Variants in CSRNP3 observed in about 807,000 individuals in gnomAD.
CSRNP3 encodes the protein cysteine/serine-rich nuclear protein 3.
In CSRNP3, 12 loss-of-function variants were observed where a neutral mutation model predicts 48.0. The observed-to-expected ratio is 0.25, with a 90% CI of 0.16 to 0.41. CSRNP3 has a LOEUF of 0.41. Among genes scored for constraint, CSRNP3 ranks in the 10% least tolerant of loss-of-function variants. The pLI is 1.00. For missense variants in CSRNP3, 580 were observed against 724.4 expected, an observed-to-expected ratio of 0.80 and a Z score of 2.29; for synonymous variants, 263 against 269.7, an observed-to-expected ratio of 0.98 and a Z score of 0.24.
intron 2 of CSRNP3, among the ~76,000 whole-genome samples, chr2:165,505,926 C>T (rs1320956213): frequency 6.6e-6 from 1 of 152,080 alleles, no homozygotes; most frequent in Non-Finnish European, 1.5e-5. Context: ...CTTTTTATTG[C>T]AAGTGACGAA....
At position 165,595,356 on chromosome 2, in the gene CSRNP3, A is replaced by G. The variant is rs112072729; in HGVS notation, c.148+143A>G. The G allele has an allele frequency of 1.2e-5, 9 of 744,462 alleles. No individual in the cohort carries two copies. In the African/African-American group the frequency reaches 1.2e-4, roughly 10 times the overall value. The allele number at this position is 744,462 out of a possible 1,614,324, so 46.1% of individuals were successfully genotyped here. On this transcript the variant is annotated intron_variant, in intron 4 of 6. Transcript: ENST00000651982. ...AAGAACACTTACCCAAAAATGAAATATTTTTCGGGTGACTCAGTAGATTCC... is the reference window on the plus strand; with the variant it reads ...AAGAACACTTACCCAAAAATGAAATGTTTTTCGGGTGACTCAGTAGATTCC...
chr2:165,571,787 AT>A (rs1685376709), intron 3 of CSRNP3, among the ~76,000 whole-genome samples: 1 of 152,116 alleles, frequency 6.6e-6, no homozygotes, highest in Non-Finnish European at 1.5e-5. Context: ...ATATACATTA[AT>A]AAAAAAGATT....
chr2:165,673,544 T>C (rs1687366359), intron 5 of CSRNP3, among the ~76,000 whole-genome samples: 1 of 152,166 alleles, frequency 6.6e-6, no homozygotes, highest in African/African-American at 2.4e-5. Flanking sequence ...ATATTTGGAG[T>C]AAACTGAATC....
intron 5 of CSRNP3, among the ~76,000 whole-genome samples, chr2:165,666,072 G>A (rs916754598): frequency 6.3e-4 from 27 of 42,632 alleles, no homozygotes; most frequent in East Asian, 3.2e-3. Context: ...GAAAGAAAGA[G>A]AGAGAGAGAA....
rs535254180 is a variant in CSRNP3, at chr2:165,682,912, T to C, written c.*3159T>C. On this transcript the variant is annotated 3_prime_UTR_variant, in exon 7 of 7. Transcript: ENST00000651982. ...TAGTATATCTAGCCAAACTGTAGTC[T>C]TTGACACACAACTTTTTAGTCATTC... The C allele has an allele frequency of 6.6e-6, 1 of 152,296 alleles. No individual in the cohort carries two copies. The highest frequency in any genetic ancestry group is 2.1e-4 in the South Asian group (1 of 4,826). 9.4% of individuals were successfully genotyped at this position (152,296 alleles called of 1,614,324 possible).
At chr2:165,547,920 A>G (rs762219910) in intron 3 of CSRNP3, among the ~76,000 whole-genome samples, 10 of 152,134 alleles carry the variant, frequency 6.6e-5, no homozygotes, top group Non-Finnish European at 1.3e-4. Context: ...TCTATGCTTT[A>G]CATGGGTTTT....
At position 165,536,035 on chromosome 2, in the gene CSRNP3, T is replaced by C. The variant is rs76378114; in HGVS notation, c.-24+18074T>C. 5.2e-3 allele frequency among the ~76,000 whole-genome samples: 793 copies of C among 151,962 alleles called. 3 individuals carry two copies. Among genetic ancestry groups the C allele is most frequent in the African/African-American group, 0.018 (745 of 41,510 alleles). On this transcript the variant is annotated intron_variant, in intron 3 of 6. Coordinates refer to ENST00000651982, the MANE Select transcript of CSRNP3 (RefSeq NM_001172173.2). ...TTCATCCATAGTTCCCTGGTTCTAC[T>C]TTAAAATAATGTTCTTAACACTAGA...
At chr2:165,647,057 C>G (rs913125580) in intron 4 of CSRNP3, among the ~76,000 whole-genome samples, 1 of 151,834 alleles carries the variant, frequency 6.6e-6, no homozygotes, top group Non-Finnish European at 1.5e-5. Flanking sequence ...AATAAAGGAA[C>G]ACACTTTTTA....
At chr2:165,578,395 T>A (rs1034998805) in intron 3 of CSRNP3, among the ~76,000 whole-genome samples, 1 of 152,072 alleles carries the variant, frequency 6.6e-6, no homozygotes, top group Non-Finnish European at 1.5e-5. Context: ...GACAGCTGAA[T>A]CGTCAACCAC....
chr2:165,565,930 CTT>C (rs1558936074), intron 3 of CSRNP3, among the ~76,000 whole-genome samples: 1 of 151,964 alleles, frequency 6.6e-6, no homozygotes, highest in Non-Finnish European at 1.5e-5. Flanking sequence ...AATAAGCACT[CTT>C]TGTTCTTTCT....
In CSRNP3 at chr2:165,538,086, C is replaced by G. The variant is rs539650507; in HGVS notation, c.-24+20125C>G. Among the ~76,000 whole-genome samples, 9 of 151,982 alleles carry G rather than the reference C, an allele frequency of 5.9e-5. No homozygotes were observed. The South Asian group carries it at 1.9e-3, about 32-fold the overall frequency. The stretch of plus-strand genomic sequence containing the variant: ...TAGCATTATTAGCAAGGACCCACTG[C>G]TCCAGCAGTACCTTCAGCAGTTCAC... On this transcript the variant is annotated intron_variant, in intron 3 of 6. Transcript: ENST00000651982.
rs569581575 is a variant in CSRNP3, at chr2:165,559,949, G to A, written c.-23-35094G>A. On this transcript the variant is annotated intron_variant, in intron 3 of 6. Transcript: ENST00000651982. The stretch of plus-strand genomic sequence containing the variant: ...TGAGTAGCTGGGACTACAGGCGCCC[G>A]CCACCAAGCCCGACTAATTTTTTGC... Among the ~76,000 whole-genome samples, 54 of 151,726 alleles carry A rather than the reference G, an allele frequency of 3.6e-4. 1 individual carries two copies. The South Asian group carries it at 0.01, about 29-fold the overall frequency.
intron 2 of CSRNP3, among the ~76,000 whole-genome samples, chr2:165,501,243 G>A (rs960379202): frequency 6.6e-6 from 1 of 152,108 alleles, no homozygotes; most frequent in Non-Finnish European, 1.5e-5. Context: ...AGCTAGAGAG[G>A]CTGCAAAAGG....
intron 4 of CSRNP3, among the ~76,000 whole-genome samples, chr2:165,653,449 CCTT>C (rs1228223666): frequency 1.3e-5 from 2 of 152,146 alleles, no homozygotes; most frequent in Admixed American, 6.5e-5. Context: ...CAGCTGAAGG[CCTT>C]CTGCTCCCTG....
intron 4 of CSRNP3, among the ~76,000 whole-genome samples, chr2:165,626,437 G>T (rs1333874322): frequency 1.3e-5 from 2 of 152,138 alleles, no homozygotes; most frequent in Non-Finnish European, 2.9e-5. Context: ...CTTGTAATAA[G>T]TTAATCCTTA....
intron 3 of CSRNP3, among the ~76,000 whole-genome samples, chr2:165,529,046 G>A (rs976611565): frequency 7.0e-5 from 10 of 142,666 alleles, no homozygotes; most frequent in Non-Finnish European, 1.1e-4. Context: ...AGGGGTCCCT[G>A]CATTCTTGGG....
chr2:165,544,192 A>T (rs1684994370), intron 3 of CSRNP3, among the ~76,000 whole-genome samples: 1 of 152,124 alleles, frequency 6.6e-6, no homozygotes, highest in Admixed American at 6.6e-5. Flanking sequence ...GAGGAAAAGA[A>T]TTGAAAGAAA....
chr2:165,629,856 C>T (rs573189097), intron 4 of CSRNP3, among the ~76,000 whole-genome samples: 3 of 152,240 alleles, frequency 2.0e-5, no homozygotes, highest in Non-Finnish European at 4.4e-5. Flanking sequence ...CTTCATTTTG[C>T]ACTCTACCTT....
At position 165,679,384 on chromosome 2, in the gene CSRNP3, T is replaced by G; in HGVS notation, c.1389T>G (p.Gly463=). ...CTGAAAGAGACACTGTCAAAAATGG[T>G]ACCCTTTCGCTGGTGCCTTACACCA... ...NYSERDTVKN[G]TLSLVPYTMT... Residue 463 remains glycine, a synonymous_variant, in exon 7 of 7, where the codon GGT becomes GGG. Coordinates refer to ENST00000651982, the MANE Select transcript of CSRNP3 (RefSeq NM_001172173.2). 2.5e-6 allele frequency: 4 copies of G among 1,613,574 alleles called. No individual in the cohort carries two copies. Among genetic ancestry groups the G allele is most frequent in the Non-Finnish European group, 3.4e-6 (4 of 1,179,902 alleles).
Sources: allele counts gnomAD v4.1 joint callset (sites outside exome capture counted in the v4.1 genomes callset), GRCh38; gene constraint gnomAD v4.1.1; transcripts MANE v1.5; gene names NCBI Gene and HGNC (gene_info 2026-07-23, HGNC 2026-07-21).